The following TMEM132B variants were observed in gnomAD, a reference collection of about 807,000 sequenced individuals.
TMEM132B encodes the protein transmembrane protein 132B.
A neutral mutation model predicts 90.8 loss-of-function variants in TMEM132B; 18 were observed. That is an observed-to-expected ratio of 0.20 (90% CI 0.14 to 0.29). TMEM132B has a LOEUF of 0.29. TMEM132B is among the 10% of genes least tolerant of loss of function. The probability of loss-of-function intolerance (pLI) is 1.00; values close to 1 mark genes in which losing one functional copy is unlikely to be tolerated. For missense variants in TMEM132B, 1,096 were observed against 1,326.8 expected (o/e 0.83, Z 2.70); for synonymous variants, 504 against 523.3 (o/e 0.96, Z 0.50).
In TMEM132B at chr12:125,650,706, A is replaced by G; in HGVS notation, c.1667A>G (p.Glu556Gly). Residue 556 changes from glutamate to glycine, a missense_variant, in exon 7 of 9, where the codon GAG (glutamate) becomes GGG (glycine). Physicochemically the swap from Glu to Gly is moderately conservative, Grantham distance 98 (BLOSUM62 -2). Transcript: ENST00000682704. ...AGGCCTACCCGGGAAAGCGATGACG[A>G]GGACGATGAGGAGAAGAAGGGACGA... Reference protein sequence around the residue: ...NRRPTRESDDEDDEEKKGRGC... With the variant: ...NRRPTRESDDGDDEEKKGRGC... 6.2e-7 allele frequency: 1 copy of G among 1,609,092 alleles called. No individual in the cohort carries two copies. The highest frequency in any genetic ancestry group is 8.5e-7 in the Non-Finnish European group (1 of 1,175,624).
chr12:125,363,493 C>T (rs1019160565), intron 2 of TMEM132B, among the ~76,000 whole-genome samples: 1 of 152,192 alleles, frequency 6.6e-6, no homozygotes, highest in Non-Finnish European at 1.5e-5. Context: ...AAATTTAACC[C>T]TATGAGATAG....
At chr12:125,352,558 C>G (rs1877624512) in intron 2 of TMEM132B, among the ~76,000 whole-genome samples, 1 of 152,250 alleles carries the variant, frequency 6.6e-6, no homozygotes, top group South Asian at 2.1e-4. Flanking sequence ...TGAAATCTAT[C>G]TCCTGGGGTG....
At chr12:125,468,096 T>C (rs1326964264) in intron 3 of TMEM132B, among the ~76,000 whole-genome samples, 1 of 152,166 alleles carries the variant, frequency 6.6e-6, no homozygotes, top group Non-Finnish European at 1.5e-5. Flanking sequence ...TGTGTAGATG[T>C]ATTCTTTCAG....
At chr12:125,527,297 T>C (rs1464375393) in intron 4 of TMEM132B, among the ~76,000 whole-genome samples, 16 of 49,826 alleles carry the variant, frequency 3.2e-4, no homozygotes, top group Admixed American at 2.1e-3. Context: ...CACCCTTCCA[T>C]CCACCCTCCA....
At chr12:125,476,594 T>C (rs902537512) in intron 3 of TMEM132B, among the ~76,000 whole-genome samples, 5 of 152,236 alleles carry the variant, frequency 3.3e-5, no homozygotes, top group Non-Finnish European at 5.9e-5. Flanking sequence ...GTGCTGAACA[T>C]TCGTGTTCAA....
At chr12:125,562,976 G>A (rs922652551) in intron 4 of TMEM132B, among the ~76,000 whole-genome samples, 2 of 151,830 alleles carry the variant, frequency 1.3e-5, no homozygotes, top group African/African-American at 4.8e-5. Context: ...CTCTTCTCAG[G>A]GAATAGGGAG....
intron 1 of TMEM132B, among the ~76,000 whole-genome samples, chr12:125,193,965 C>T (rs1418161475): frequency 1.3e-5 from 2 of 152,210 alleles, no homozygotes; most frequent in African/African-American, 4.8e-5. Context: ...TCTTCCCATT[C>T]AGGGCAGAAT....
chr12:125,248,035 G>A (rs1322242093), intron 1 of TMEM132B, among the ~76,000 whole-genome samples: 1 of 152,186 alleles, frequency 6.6e-6, no homozygotes, highest in Non-Finnish European at 1.5e-5. Context: ...CAGGCAGCAT[G>A]GCAGAAGACT....
intron 4 of TMEM132B, among the ~76,000 whole-genome samples, chr12:125,568,816 A>G (rs1196841977): frequency 6.6e-6 from 1 of 152,178 alleles, no homozygotes; most frequent in African/African-American, 2.4e-5. Context: ...TTTGCCCTTT[A>G]TGTGGGTCTC....
At chr12:125,258,804 G>C (rs1874497007) in intron 1 of TMEM132B, among the ~76,000 whole-genome samples, 1 of 152,210 alleles carries the variant, frequency 6.6e-6, no homozygotes, top group Non-Finnish European at 1.5e-5. Context: ...AACGGGATCA[G>C]GAGTGACTGG....
intron 1 of TMEM132B, among the ~76,000 whole-genome samples, chr12:125,259,209 A>C (rs529376542): frequency 6.6e-6 from 1 of 152,168 alleles, no homozygotes; most frequent in Non-Finnish European, 1.5e-5. Flanking sequence ...CTACTTCTTG[A>C]TGCTTTGTCT....
At chr12:125,482,866 C>G (rs1882085782) in intron 3 of TMEM132B, among the ~76,000 whole-genome samples, 1 of 152,084 alleles carries the variant, frequency 6.6e-6, no homozygotes, top group Non-Finnish European at 1.5e-5. Context: ...CAATGATAGA[C>G]TGGATTAAGA....
intron 1 of TMEM132B, among the ~76,000 whole-genome samples, chr12:125,281,017 G>A (rs1006036689): frequency 6.6e-6 from 1 of 152,216 alleles, no homozygotes; most frequent in Admixed American, 6.5e-5. Flanking sequence ...AGTTCTCTGT[G>A]AGGGAACGCT....
chr12:125,439,170 A>C (rs1880792580), intron 3 of TMEM132B, among the ~76,000 whole-genome samples: 1 of 151,234 alleles, frequency 6.6e-6, no homozygotes, highest in Admixed American at 6.6e-5. Flanking sequence ...TTTTATATTA[A>C]TTTTAAAATG....
intron 2 of TMEM132B, among the ~76,000 whole-genome samples, chr12:125,363,006 A>G (rs1878010204): frequency 6.6e-6 from 1 of 152,088 alleles, no homozygotes; most frequent in Non-Finnish European, 1.5e-5. Context: ...GTTTGCCTCC[A>G]GTTTTTCACT....
Position 125,294,735 on chromosome 12 carries a change from C to T in TMEM132B, c.68-54717C>T, listed in dbSNP as rs148988585. Reference sequence around the variant, plus strand: ...GCAGCCAGTCTGCTGACTCCGAAGTCCTGCTGGTCACAGTATACATGATAT... The same window carrying T: ...GCAGCCAGTCTGCTGACTCCGAAGTTCTGCTGGTCACAGTATACATGATAT... On this transcript the variant is annotated intron_variant, in intron 1 of 8. Transcript: ENST00000682704. Among the ~76,000 whole-genome samples the T allele has an allele frequency of 2.0e-5, 3 of 152,284 alleles. No homozygotes were observed. In the East Asian group the frequency reaches 5.8e-4, roughly 29 times the overall value.
In TMEM132B at chr12:125,407,761, T is replaced by A. The variant is rs903618813; in HGVS notation, c.960-7770T>A. ...GGTCTGGGGGAGAAACGCCTCTGTG[T>A]GTCTGGGGTGGTGACATTTGGGTTC... On this transcript the variant is annotated intron_variant, in intron 2 of 8. Transcript: ENST00000682704. The surrounding 1 kb of genome is among the most constrained non-coding windows in gnomAD (Gnocchi z 6.7). Among the ~76,000 whole-genome samples, 1 of 152,156 alleles carries A rather than the reference T, an allele frequency of 6.6e-6. No individual in the cohort carries two copies. Among genetic ancestry groups the A allele is most frequent in the Non-Finnish European group, 1.5e-5 (1 of 68,022 alleles).
chr12:125,575,101 A>T (rs563351726), intron 4 of TMEM132B, among the ~76,000 whole-genome samples: 1 of 49,682 alleles, frequency 2.0e-5, no homozygotes, highest in Non-Finnish European at 5.2e-5. Flanking sequence ...TAGAATTGCT[A>T]GGTCATATGG....
At chr12:125,350,522 G>A (rs891444623) in intron 2 of TMEM132B, among the ~76,000 whole-genome samples, 179 bp downstream of exon 2, 3 of 152,214 alleles carry the variant, frequency 2.0e-5, no homozygotes, top group African/African-American at 7.2e-5. Context: ...TAAAAGAGCT[G>A]AGCTTCATTA....
Sources: allele counts gnomAD v4.1 joint callset (sites outside exome capture counted in the v4.1 genomes callset), GRCh38; gene constraint gnomAD v4.1.1; non-coding constraint Gnocchi (gnomAD v3.1); transcripts MANE v1.5; gene names NCBI Gene and HGNC (gene_info 2026-07-23, HGNC 2026-07-21).